The following MED13L variants were observed in gnomAD, a reference collection of about 807,000 sequenced individuals.
MED13L encodes the protein mediator complex subunit 13L.
MED13L carries 7 observed loss-of-function variants against 220.9 expected under a neutral mutation model. The ratio of observed to expected loss-of-function variants is 0.03; its 90% CI spans 0.02 to 0.06. The LOEUF (loss-of-function observed/expected upper bound fraction) is 0.06. Among genes scored for constraint, MED13L ranks in the 10% least tolerant of loss-of-function variants. MED13L has a pLI of 1.00. For missense variants in MED13L, 1,965 were observed against 2,760.5 expected, an observed-to-expected ratio of 0.71 and a Z score of 6.46; for synonymous variants, 1,011 against 1,015.2, an observed-to-expected ratio of 1.00 and a Z score of 0.08.
chr12:116,111,537 A>G (rs1468871299), intron 2 of MED13L, 25 bp from the exon 3 acceptor site: 2 of 1,567,302 alleles, frequency 1.3e-6, no homozygotes, highest in Non-Finnish European at 8.7e-7. Flanking sequence ...AAAAAAGAAA[A>G]AAAAAGAACC....
chr12:116,231,269 A>G (rs2138432408), intron 2 of MED13L, among the ~76,000 whole-genome samples: 1 of 152,348 alleles, frequency 6.6e-6, no homozygotes, highest in African/African-American at 2.4e-5. Context: ...TCTGGCAGAC[A>G]CTACCTTAAT....
chr12:116,092,254 G>A (rs995299233), intron 4 of MED13L, among the ~76,000 whole-genome samples: 3 of 152,110 alleles, frequency 2.0e-5, no homozygotes, highest in Non-Finnish European at 4.4e-5. Context: ...TTGCTTTACC[G>A]TTCACACTTG....
At chr12:115,979,242 G>A (rs1247370554) in intron 23 of MED13L, among the ~76,000 whole-genome samples, 3 of 152,102 alleles carry the variant, frequency 2.0e-5, no homozygotes, top group Non-Finnish European at 2.9e-5. Flanking sequence ...GATATTACTC[G>A]AAGTCTTTTT....
chr12:116,098,300 GA>G (rs1003880990), intron 3 of MED13L, among the ~76,000 whole-genome samples: 1 of 151,924 alleles, frequency 6.6e-6, no homozygotes, highest in African/African-American at 2.4e-5. Flanking sequence ...ATGTGGGGGG[GA>G]AATGGGGAAA....
intron 2 of MED13L, among the ~76,000 whole-genome samples, chr12:116,114,272 A>G (rs902680567): frequency 1.3e-5 from 2 of 152,214 alleles, no homozygotes; most frequent in African/African-American, 2.4e-5. Flanking sequence ...TACAAACAAC[A>G]AACTCCCTCT....
chr12:116,044,971 T>C (rs1355001372), intron 4 of MED13L, among the ~76,000 whole-genome samples: 3 of 152,166 alleles, frequency 2.0e-5, no homozygotes, highest in Non-Finnish European at 4.4e-5. Context: ...GTCTGTCAAA[T>C]GGTATGCAAA....
At chr12:116,041,458 C>A (rs529704529) in intron 4 of MED13L, among the ~76,000 whole-genome samples, 94 of 152,278 alleles carry the variant, frequency 6.2e-4, no homozygotes, top group Admixed American at 6.1e-3. Flanking sequence ...CCGAAGAGAT[C>A]TGTTCTACTA....
chr12:116,139,391 G>A (rs1876857346), intron 2 of MED13L, among the ~76,000 whole-genome samples: 1 of 152,038 alleles, frequency 6.6e-6, no homozygotes, highest in South Asian at 2.1e-4. Context: ...TTTCAAAGAA[G>A]GGTATCACAT....
At chr12:116,033,401 CT>C (rs1356380575) in intron 4 of MED13L, among the ~76,000 whole-genome samples, 1 of 152,130 alleles carries the variant, frequency 6.6e-6, no homozygotes, top group Non-Finnish European at 1.5e-5. Flanking sequence ...ACTATAAAAA[CT>C]TCTTAATTCA....
chr12:116,239,367 A>C (rs767249247), intron 1 of MED13L, among the ~76,000 whole-genome samples: 22 of 152,212 alleles, frequency 1.4e-4, no homozygotes, highest in Non-Finnish European at 2.6e-4. Context: ...AAAGTTCAGA[A>C]GTAATACACC....
At chr12:116,198,156 C>A (rs1165646519) in intron 2 of MED13L, among the ~76,000 whole-genome samples, 1 of 151,882 alleles carries the variant, frequency 6.6e-6, no homozygotes, top group Admixed American at 6.6e-5. Context: ...TTTTAAGTAC[C>A]AGAGAACTAC....
chr12:116,095,239 T>C (rs574484791), intron 4 of MED13L, among the ~76,000 whole-genome samples: 2 of 152,262 alleles, frequency 1.3e-5, no homozygotes, highest in Admixed American at 1.3e-4. Context: ...TATACATATA[T>C]ATTTATAAGG....
chr12:116,237,379 T>C (rs1870185340), intron 2 of MED13L, 89 bp downstream of exon 2: 1 of 1,062,226 alleles, frequency 9.4e-7, no homozygotes, highest in African/African-American at 1.6e-5. Context: ...ATCGTTCTTT[T>C]AGACAAGTCT....
At position 116,075,498 on chromosome 12, in the gene MED13L, C is replaced by T. The variant is rs1325442860; in HGVS notation, c.479+21171G>A. Among the ~76,000 whole-genome samples the T allele has an allele frequency of 1.3e-4, 20 of 152,324 alleles. No individual in the cohort carries two copies. The East Asian group carries it at 3.5e-3, about 26-fold the overall frequency. ...AGCTGTAAAACCAAAGAAAATAACA[C>T]AAAGCACCAGGTATGTAGTCAACAC... On this transcript the variant is annotated intron_variant, in intron 4 of 30. Coordinates refer to ENST00000281928, the MANE Select transcript of MED13L (RefSeq NM_015335.5).
intron 2 of MED13L, among the ~76,000 whole-genome samples, chr12:116,228,094 G>A (rs974158834): frequency 6.6e-6 from 1 of 152,068 alleles, no homozygotes; most frequent in Admixed American, 6.6e-5. Context: ...GCCGAATCCA[G>A]AACAAGGCAC....
chr12:115,966,221 G>C lies in MED13L; in HGVS notation c.6248C>G (p.Ser2083Cys), dbSNP rs1385108774. Residue 2083 changes from serine (S) to cysteine (C), a missense_variant, in exon 29 of 31, where the codon TCT becomes TGT. By Grantham distance (112) the Ser-to-Cys change is moderately radical. Transcript: ENST00000281928. ...HSRSQGERLL[S>C]REAPEELKQQ... ...CTTTAGCTCCTCTGGTGCTTCTCTAGAAAGAAGACGCTCACCCTGGCTCTG... is the reference window on the plus strand; with the variant it reads ...CTTTAGCTCCTCTGGTGCTTCTCTACAAAGAAGACGCTCACCCTGGCTCTG... 1 of 1,614,080 alleles carries C rather than the reference G, an allele frequency of 6.2e-7. No individual in the cohort carries two copies. Among genetic ancestry groups the C allele is most frequent in the Admixed American group, 1.7e-5 (1 of 60,016 alleles).
chr12:116,197,323 T>C (rs928459202), intron 2 of MED13L, among the ~76,000 whole-genome samples: 2 of 152,160 alleles, frequency 1.3e-5, no homozygotes, highest in Non-Finnish European at 2.9e-5. Flanking sequence ...TACATGTCAG[T>C]AGGACTCTGG....
intron 2 of MED13L, among the ~76,000 whole-genome samples, chr12:116,172,015 G>C (rs1390711509): frequency 6.6e-6 from 1 of 152,026 alleles, no homozygotes; most frequent in Non-Finnish European, 1.5e-5. Flanking sequence ...CATTATCTAA[G>C]ACTTTTGTTA....
intron 2 of MED13L, among the ~76,000 whole-genome samples, chr12:116,134,440 G>C (rs1001280182): frequency 3.9e-5 from 6 of 152,032 alleles, no homozygotes; most frequent in Non-Finnish European, 7.4e-5. Flanking sequence ...ATATAACAGG[G>C]TACTAGGACG....
Sources: allele counts gnomAD v4.1 joint callset (sites outside exome capture counted in the v4.1 genomes callset), GRCh38; gene constraint gnomAD v4.1.1; transcripts MANE v1.5; gene names NCBI Gene and HGNC (gene_info 2026-07-23, HGNC 2026-07-21).